ACACA: variants seen among roughly 807,000 people sequenced by gnomAD.
The protein encoded by ACACA is acetyl-CoA carboxylase 1.
A neutral mutation model predicts 296.1 loss-of-function variants in ACACA; 103 were observed. That is an observed-to-expected ratio of 0.35 (90% confidence interval 0.30 to 0.41). The LOEUF is 0.41. Ranked by LOEUF, ACACA falls within the 10% of genes least tolerant of loss-of-function variation. The pLI is 1.00. For synonymous variants in ACACA, 953 were observed against 1,038.6 expected (o/e 0.92, Z 1.58); for missense variants, 1,554 against 2,989.7 (o/e 0.52, Z 11.20).
intron 42 of ACACA, among the ~76,000 whole-genome samples, chr17:37,156,185 T>C (rs2076242156): frequency 6.8e-6 from 1 of 147,586 alleles, no homozygotes; most frequent in Non-Finnish European, 1.5e-5. Context: ...TGCCTCAGCC[T>C]CCCAAGTAGC....
intron 41 of ACACA, among the ~76,000 whole-genome samples, chr17:37,167,940 G>A (rs958832208): frequency 5.3e-5 from 8 of 152,090 alleles, no homozygotes; most frequent in African/African-American, 1.9e-4. Context: ...CTTATAAGAT[G>A]ATGACTATGA....
At chr17:37,403,688 C>T (rs1462497355) in intron 1 of ACACA, among the ~76,000 whole-genome samples, 1 of 152,196 alleles carries the variant, frequency 6.6e-6, no homozygotes, top group Non-Finnish European at 1.5e-5. Context: ...CTCTCCACAT[C>T]TTTCTTAAGC....
At chr17:37,185,288 G>A (rs1336205139) in intron 39 of ACACA, among the ~76,000 whole-genome samples, 2 of 151,942 alleles carry the variant, frequency 1.3e-5, no homozygotes, top group Non-Finnish European at 2.9e-5. Context: ...GCTGGAGTGT[G>A]GTGTCACAAT....
At chr17:37,298,162 A>C (rs1304126215) in intron 3 of ACACA, among the ~76,000 whole-genome samples, 1 of 152,038 alleles carries the variant, frequency 6.6e-6, no homozygotes, top group Non-Finnish European at 1.5e-5. Context: ...CTCTCAGTGG[A>C]AGTTTTGCTT....
At chr17:37,264,986 G>T (rs2081687848) in intron 10 of ACACA, among the ~76,000 whole-genome samples, 1 of 152,178 alleles carries the variant, frequency 6.6e-6, no homozygotes, top group South Asian at 2.1e-4. Context: ...CTGACTGCTG[G>T]CTGGTAGGTC....
intron 15 of ACACA, among the ~76,000 whole-genome samples, chr17:37,252,655 G>C (rs1459695969): frequency 6.6e-6 from 1 of 152,148 alleles, no homozygotes; most frequent in African/African-American, 2.4e-5. Context: ...TTAAATCCCT[G>C]CATGCCTCAC....
intron 5 of ACACA, 73 bp downstream of exon 5, chr17:37,283,194 T>G: frequency 6.4e-7 from 1 of 1,574,106 alleles, no homozygotes; most frequent in Non-Finnish European, 8.7e-7. Context: ...AAGTTAACAT[T>G]CTCCTACTTA....
intron 54 of ACACA, among the ~76,000 whole-genome samples, chr17:37,089,448 G>GTGAT (rs1228209809): frequency 6.6e-6 from 1 of 152,214 alleles, no homozygotes; most frequent in African/African-American, 2.4e-5. Flanking sequence ...TAGTAAAATT[G>GTGAT]TGATTGAGAA....
intron 54 of ACACA, among the ~76,000 whole-genome samples, chr17:37,092,555 T>C (rs2072720175): frequency 1.3e-5 from 2 of 152,356 alleles, no homozygotes; most frequent in South Asian, 4.1e-4. Context: ...TATGTAGTAA[T>C]TAGTCTATCT....
At chr17:37,260,297 T>TATATATATATATATA (rs1491211370) in intron 11 of ACACA, among the ~76,000 whole-genome samples, 1 of 7,732 alleles carries the variant, frequency 1.3e-4, no homozygotes, top group African/African-American at 5.7e-4. Flanking sequence ...TATATATATA[T>TATATATATATATATA]TTTTTTTTTT....
chr17:37,263,320 T>C (rs1258168222), intron 11 of ACACA, among the ~76,000 whole-genome samples: 1 of 152,168 alleles, frequency 6.6e-6, no homozygotes, highest in Non-Finnish European at 1.5e-5. Flanking sequence ...ATAGAGTTGA[T>C]TAAATTCAGC....
At chr17:37,110,462 G>C (rs544533151) in intron 52 of ACACA, among the ~76,000 whole-genome samples, 41 of 152,344 alleles carry the variant, frequency 2.7e-4, no homozygotes, top group Non-Finnish European at 5.3e-4. Flanking sequence ...AAAAGGATCA[G>C]ACTGTGGTGA....
intron 50 of ACACA, among the ~76,000 whole-genome samples, chr17:37,120,414 C>T (rs2074473718): frequency 6.6e-6 from 1 of 152,018 alleles, no homozygotes. Flanking sequence ...TACAAGCGCC[C>T]ACCACCACGC....
intron 24 of ACACA, among the ~76,000 whole-genome samples, chr17:37,236,116 G>T (rs995906653): frequency 4.6e-5 from 7 of 152,154 alleles, no homozygotes; most frequent in African/African-American, 1.7e-4. Context: ...GAACAGTGAC[G>T]TTCAAACTGC....
At position 37,275,115 on chromosome 17, in the gene ACACA, T is replaced by C. The variant is rs553887367; in HGVS notation, c.902-816A>G. On this transcript the variant is annotated intron_variant, in intron 8 of 55. Transcript: ENST00000616317. ...CATGCCTGGAAGAAAGGTTAATTAC[T>C]GACCTCATTTTCTGCATCAAGGGCA... Among the ~76,000 whole-genome samples, 3 of 152,356 alleles carry C rather than the reference T, an allele frequency of 2.0e-5. No homozygotes were observed. In the South Asian group the frequency reaches 6.2e-4, roughly 32 times the overall value.
intron 3 of ACACA, among the ~76,000 whole-genome samples, chr17:37,288,898 C>G (rs1016951376): frequency 1.3e-5 from 2 of 150,244 alleles, no homozygotes; most frequent in African/African-American, 2.4e-5. Flanking sequence ...ATCCTGCCCC[C>G]GCTCCACCAA....
At chr17:37,276,094 C>T (rs760277864) in intron 7 of ACACA, 45 bp from the exon 8 acceptor site, 12 of 1,460,262 alleles carry the variant, frequency 8.2e-6, no homozygotes, top group Admixed American at 1.7e-5. Flanking sequence ...ACACCTTGGC[C>T]TCATTTCTGG....
chr17:37,244,216 A>T (rs77407435), intron 21 of ACACA, among the ~76,000 whole-genome samples: 3 of 151,660 alleles, frequency 2.0e-5, no homozygotes, highest in African/African-American at 7.2e-5. Flanking sequence ...AAAAAAAAAA[A>T]TTAGCCGCGC....
intron 2 of ACACA, among the ~76,000 whole-genome samples, chr17:37,332,988 C>A (rs984554199): frequency 6.6e-6 from 1 of 151,498 alleles, no homozygotes; most frequent in African/African-American, 2.4e-5. Flanking sequence ...CCGACCTCAA[C>A]TTGTATACTG....
Sources: gnomAD v4.1 joint callset for allele counts (sites outside exome capture counted in the v4.1 genomes callset) on GRCh38, gnomAD v4.1.1 for gene constraint, MANE v1.5 for transcripts, NCBI Gene and HGNC (gene_info 2026-07-23, HGNC 2026-07-21) for gene names.